The following JAK2 variants were observed in gnomAD, a reference collection of about 807,000 sequenced individuals.
JAK2 encodes Janus kinase 2, also known as tyrosine-protein kinase JAK2.
JAK2 carries 86 observed loss-of-function variants against 139.3 expected under a neutral mutation model. The observed-to-expected ratio is 0.62, with a 90% confidence interval of 0.52 to 0.74. The LOEUF (loss-of-function observed/expected upper bound fraction) is 0.74. Ranked by LOEUF, JAK2 falls within the 30% of genes least tolerant of loss-of-function variation. The pLI is 0.00. For missense variants in JAK2, 1,421 were observed against 1,360.3 expected (o/e 1.04, Z -0.70); for synonymous variants, 490 against 437.7 (o/e 1.12, Z -1.49).
Position 5,111,249 on chromosome 9 carries a change from G to C in JAK2, c.3060-11755G>C, listed in dbSNP as rs1037691839. On this transcript the variant is annotated intron_variant, in intron 22 of 24. Coordinates refer to ENST00000381652, the MANE Select transcript of JAK2 (RefSeq NM_004972.4). ...GCGGGCCTATTCCTCCTTTGGTAGA[G>C]ACGCAGGCGTGCGCAGCCTGACTCA... The C allele has an allele frequency of 1.1e-5, 6 of 534,176 alleles. No individual in the cohort carries two copies. The East Asian group carries it at 1.4e-4, about 12-fold the overall frequency. 33.1% of individuals were successfully genotyped at this position (534,176 alleles called of 1,614,324 possible). A position where few individuals can be genotyped will look rare whatever the true frequency, so the allele number is the denominator to read the frequency against.
At chr9:4,993,267 T>C (rs6476934) in intron 2 of JAK2, among the ~76,000 whole-genome samples, 6 of 152,190 alleles carry the variant, frequency 3.9e-5, no homozygotes, top group Non-Finnish European at 8.8e-5. Flanking sequence ...AAAGGATCTA[T>C]GAGGTACTGA....
intron 3 of JAK2, among the ~76,000 whole-genome samples, chr9:5,023,057 A>G (rs1822539141): frequency 6.6e-6 from 1 of 152,192 alleles, no homozygotes; most frequent in South Asian, 2.1e-4. Context: ...AATACAATAC[A>G]TTGTTGTTAA....
intron 2 of JAK2, among the ~76,000 whole-genome samples, chr9:4,992,862 TC>T (rs1204393448): frequency 6.6e-6 from 1 of 152,210 alleles, no homozygotes; most frequent in Non-Finnish European, 1.5e-5. Flanking sequence ...TGTTGCCAGT[TC>T]CTTGATTAGG....
Position 5,061,007 on chromosome 9 carries a change from G to A in JAK2, c.1057-3876G>A, listed in dbSNP as rs185567579. On this transcript the variant is annotated intron_variant, in intron 8 of 24. Coordinates refer to ENST00000381652, the MANE Select transcript of JAK2 (RefSeq NM_004972.4). ...TCAGAGCGCTTGGGTGACCAGGTGC[G>A]TTGTCAATGAGAGTAATACTTTGAA... 2.7e-3 allele frequency among the ~76,000 whole-genome samples: 415 copies of A among 152,300 alleles called. 1 individual carries two copies. Among genetic ancestry groups the A allele is most frequent in the Non-Finnish European group, 3.9e-3 (268 of 68,012 alleles).
At chr9:5,026,874 C>G (rs1365368757) in intron 3 of JAK2, among the ~76,000 whole-genome samples, 1 of 152,148 alleles carries the variant, frequency 6.6e-6, no homozygotes, top group East Asian at 1.9e-4. Flanking sequence ...ATTACATATG[C>G]ACTCACATTT....
At chr9:5,016,787 T>C (rs566992679) in intron 2 of JAK2, among the ~76,000 whole-genome samples, 1 of 152,166 alleles carries the variant, frequency 6.6e-6, no homozygotes, top group Non-Finnish European at 1.5e-5. Context: ...ACCATTATCC[T>C]AACTTTTTTT....
chr9:5,108,531 A>C (rs1564011927), intron 22 of JAK2: 1 of 152,026 alleles, frequency 6.6e-6, no homozygotes, highest in African/African-American at 2.4e-5. Context: ...TATGGCCTTT[A>C]TAGTAAAAAT....
At position 5,126,875 on chromosome 9, in the gene JAK2, A is replaced by C; in HGVS notation, c.*84A>C. 2 of 683,542 alleles carry C rather than the reference A, an allele frequency of 2.9e-6. No homozygotes were observed. The highest frequency in any genetic ancestry group is 2.9e-5 in the Admixed American group (1 of 33,924). 42.3% of individuals were successfully genotyped at this position (683,542 alleles called of 1,614,324 possible). ...ACATTGCTGTGGACTATTATTACAT[A>C]TATCATTATTATATAAATCATGATG... is the stretch of plus-strand genomic sequence containing the variant. On this transcript the variant is annotated 3_prime_UTR_variant, in exon 25 of 25. Coordinates refer to ENST00000381652, the MANE Select transcript of JAK2 (RefSeq NM_004972.4).
chr9:5,118,679 T>A (rs571371882), intron 22 of JAK2, among the ~76,000 whole-genome samples: 1 of 152,324 alleles, frequency 6.6e-6, no homozygotes, highest in African/African-American at 2.4e-5. Context: ...AGAAAACTTG[T>A]TTGTGTAAGT....
intron 12 of JAK2, among the ~76,000 whole-genome samples, chr9:5,071,438 C>T (rs532155819): frequency 2.2e-4 from 33 of 151,796 alleles, no homozygotes; most frequent in African/African-American, 5.1e-4. Flanking sequence ...ATTGAAACCA[C>T]GGAGAAATAA....
At chr9:5,021,130 T>G (rs1217894760) in intron 2 of JAK2, among the ~76,000 whole-genome samples, 1 of 152,164 alleles carries the variant, frequency 6.6e-6, no homozygotes, top group Non-Finnish European at 1.5e-5. Context: ...TTGTGCAGGC[T>G]CTCTAGGCTT....
At chr9:5,096,844 C>T (rs545255139) in intron 22 of JAK2, 1 of 152,212 alleles carries the variant, frequency 6.6e-6, no homozygotes, top group East Asian at 1.9e-4. Flanking sequence ...ATTGTTACCG[C>T]CCACGAATTT....
chr9:5,073,670 A>T (rs2130555112), intron 13 of JAK2, 28 bp from the exon 14 acceptor site: 1 of 1,536,166 alleles, frequency 6.5e-7, no homozygotes, highest in African/African-American at 1.4e-5. Context: ...GTCAAACAAC[A>T]ATTCTTTGTA....
At chr9:5,068,369 A>T (rs1420040048) in intron 10 of JAK2, among the ~76,000 whole-genome samples, 1 of 152,164 alleles carries the variant, frequency 6.6e-6, no homozygotes, top group Non-Finnish European at 1.5e-5. Flanking sequence ...TAAAAATGTA[A>T]TATTAAAGAT....
rs116717941 is a variant in JAK2 at position 5,031,831 on chromosome 9, C to T, written c.350+1925C>T. On this transcript the variant is annotated intron_variant, in intron 4 of 24. Coordinates refer to ENST00000381652, the MANE Select transcript of JAK2 (RefSeq NM_004972.4). ...TCCAGTCTACAGCTCCCAGCATGGG[C>T]GATGCAGAAGACGGGTGATTTCTGC... Among the ~76,000 whole-genome samples the T allele has an allele frequency of 3.0e-3, 456 of 152,296 alleles. 2 individuals carry two copies. The highest frequency in any genetic ancestry group is 9.9e-3 in the African/African-American group (413 of 41,554).
intron 3 of JAK2, among the ~76,000 whole-genome samples, chr9:5,025,065 A>G (rs1165242147): frequency 6.6e-6 from 1 of 152,150 alleles, no homozygotes; most frequent in Non-Finnish European, 1.5e-5. Flanking sequence ...TTGATTCAGC[A>G]TTTATCTGAT....
intron 23 of JAK2, 146 bp from the exon 24 acceptor site, chr9:5,126,187 T>G: frequency 1.8e-6 from 1 of 561,446 alleles, no homozygotes. Context: ...ATGTTTTTGA[T>G]CCTAAAAGTA....
chr9:5,121,052 G>A (rs1465903884), intron 22 of JAK2, among the ~76,000 whole-genome samples: 9 of 152,140 alleles, frequency 5.9e-5, no homozygotes, highest in Non-Finnish European at 4.4e-5. Flanking sequence ...TTAACCAAGA[G>A]AGGAATAAAT....
chr9:5,036,917 G>A (rs1353329619), intron 4 of JAK2, among the ~76,000 whole-genome samples: 2 of 152,190 alleles, frequency 1.3e-5, no homozygotes, highest in African/African-American at 4.8e-5. Flanking sequence ...CCATCAGAGT[G>A]AACAGGCAAC....
Sources: allele counts gnomAD v4.1 joint callset (sites outside exome capture counted in the v4.1 genomes callset), GRCh38; gene constraint gnomAD v4.1.1; transcripts MANE v1.5; gene names NCBI Gene and HGNC (gene_info 2026-07-23, HGNC 2026-07-21).